KIAA1217: variants seen among roughly 807,000 people sequenced by gnomAD.
The protein encoded by KIAA1217 is KIAA1217, also known as sickle tail protein homolog.
Under a neutral mutation model 163.9 loss-of-function variants are expected in KIAA1217, and 88 were observed. The observed-to-expected ratio is 0.54, with a 90% CI of 0.45 to 0.64. The LOEUF (loss-of-function observed/expected upper bound fraction) is 0.64, where lower values mean the gene tolerates loss of function less well. KIAA1217 is among the 30% of genes least tolerant of loss of function. The probability of loss-of-function intolerance (pLI) is 0.00; values close to 1 mark genes in which losing one functional copy is unlikely to be tolerated. For missense variants in KIAA1217, 2,372 were observed against 2,475.0 expected (o/e 0.96, Z 0.88); for synonymous variants, 903 against 923.1 (o/e 0.98, Z 0.39).
chr10:24,240,636 G>A (rs1266552151), intron 2 of KIAA1217, among the ~76,000 whole-genome samples: 1 of 152,162 alleles, frequency 6.6e-6, no homozygotes, highest in Non-Finnish European at 1.5e-5. Flanking sequence ...TTAGGCCTCA[G>A]TCATCATGTC....
At chr10:23,904,521 C>G (rs1191187576) in intron 1 of KIAA1217, among the ~76,000 whole-genome samples, 1 of 152,110 alleles carries the variant, frequency 6.6e-6, no homozygotes, top group Non-Finnish European at 1.5e-5. Flanking sequence ...TTTAGAACAT[C>G]AGTTGGAGCC....
At chr10:24,017,683 C>T (rs1847546679) in intron 2 of KIAA1217, among the ~76,000 whole-genome samples, 1 of 151,980 alleles carries the variant, frequency 6.6e-6, no homozygotes, top group Non-Finnish European at 1.5e-5. Context: ...TGCACTGTTG[C>T]AAAAGTAGAA....
intron 2 of KIAA1217, among the ~76,000 whole-genome samples, chr10:24,240,586 C>T (rs1240989791): frequency 6.6e-6 from 1 of 152,204 alleles, no homozygotes; most frequent in Non-Finnish European, 1.5e-5. Context: ...GGCTTCACCA[C>T]TTAGTGGCTG....
intron 2 of KIAA1217, among the ~76,000 whole-genome samples, chr10:24,101,172 A>G (rs758363642): frequency 6.6e-6 from 1 of 152,260 alleles, no homozygotes; most frequent in Non-Finnish European, 1.5e-5. Flanking sequence ...AGGTCAAAAT[A>G]CAGCCATGGC....
In KIAA1217 at chr10:24,309,573, G is replaced by T. The variant is rs373540080; in HGVS notation, c.355-71296G>T. ...ACCCTTTTACATCCCAGAACCCACC[G>T]AACACAGTTTCTTCAACATTGGCAG... On this transcript the variant is annotated intron_variant, in intron 2 of 20. Transcript: ENST00000376454. 2.0e-5 allele frequency among the ~76,000 whole-genome samples: 3 copies of T among 152,216 alleles called. No homozygotes were observed. The East Asian group carries it at 5.8e-4, about 29-fold the overall frequency.
intron 1 of KIAA1217, among the ~76,000 whole-genome samples, chr10:23,868,180 C>T (rs1272728011): frequency 1.3e-5 from 2 of 151,992 alleles, no homozygotes; most frequent in Non-Finnish European, 2.9e-5. Flanking sequence ...ATGGTTCAGC[C>T]CTGTTTGTCT....
chr10:23,919,750 G>A (rs966494448), intron 1 of KIAA1217, among the ~76,000 whole-genome samples: 4 of 151,994 alleles, frequency 2.6e-5, no homozygotes, highest in African/African-American at 9.7e-5. Flanking sequence ...ATTAACACAA[G>A]GCTTTAGTTC....
intron 1 of KIAA1217, among the ~76,000 whole-genome samples, chr10:23,906,135 C>A (rs1196075982): frequency 6.6e-6 from 1 of 151,980 alleles, no homozygotes; most frequent in African/African-American, 2.4e-5. Context: ...GAGGGCAGAG[C>A]CTTATGGGCT....
chr10:24,077,550 A>G (rs2061407213), intron 2 of KIAA1217, among the ~76,000 whole-genome samples: 1 of 152,216 alleles, frequency 6.6e-6, no homozygotes, highest in Non-Finnish European at 1.5e-5. Flanking sequence ...TATGGTGTAT[A>G]CATACCACAT....
chr10:24,053,681 C>T (rs149429027), intron 2 of KIAA1217, among the ~76,000 whole-genome samples: 62 of 152,240 alleles, frequency 4.1e-4, no homozygotes, highest in African/African-American at 1.2e-3. Context: ...ATGTGTCTGG[C>T]ATTGTGCTAA....
intron 2 of KIAA1217, among the ~76,000 whole-genome samples, chr10:24,020,748 A>T (rs1847697073): frequency 6.6e-6 from 1 of 152,062 alleles, no homozygotes; most frequent in African/African-American, 2.4e-5. Flanking sequence ...TGAAAAATAT[A>T]AATATAAGAA....
chr10:24,061,190 A>G (rs1176107836), intron 2 of KIAA1217, among the ~76,000 whole-genome samples: 2 of 152,102 alleles, frequency 1.3e-5, no homozygotes, highest in Non-Finnish European at 2.9e-5. Flanking sequence ...TGTGGTTACC[A>G]TGAGGTTTAC....
At chr10:24,406,524 G>GC (rs1272785301) in intron 3 of KIAA1217, among the ~76,000 whole-genome samples, 1 of 152,030 alleles carries the variant, frequency 6.6e-6, no homozygotes, top group Non-Finnish European at 1.5e-5. Flanking sequence ...ACCTGAACAC[G>GC]CCCCTCTGGG....
intron 3 of KIAA1217, among the ~76,000 whole-genome samples, chr10:24,392,221 T>C (rs7070056): frequency 0.52 from 78,356 of 151,898 alleles, 22,787 homozygotes; most frequent in African/African-American, 0.8. Context: ...TTGTTTAAGA[T>C]GAGGTTTATA....
chr10:24,447,778 C>T (rs2061064024), intron 5 of KIAA1217, among the ~76,000 whole-genome samples: 1 of 152,126 alleles, frequency 6.6e-6, no homozygotes, highest in African/African-American at 2.4e-5. Flanking sequence ...TGGCCACTGA[C>T]CCAAATGAGA....
At chr10:24,201,118 A>G (rs887220315) in intron 2 of KIAA1217, among the ~76,000 whole-genome samples, 11 of 152,046 alleles carry the variant, frequency 7.2e-5, no homozygotes, top group African/African-American at 2.7e-4. Flanking sequence ...CAAAAATACA[A>G]AAATTAGCCA....
chr10:24,274,299 C>A (rs1011086020), intron 2 of KIAA1217, among the ~76,000 whole-genome samples: 3 of 152,124 alleles, frequency 2.0e-5, no homozygotes, highest in Admixed American at 6.5e-5. Flanking sequence ...GACCAGCCAC[C>A]TCAGCCTCCC....
intron 1 of KIAA1217, among the ~76,000 whole-genome samples, chr10:24,212,299 T>A (rs772745439): frequency 7.9e-5 from 12 of 152,008 alleles, no homozygotes; most frequent in Non-Finnish European, 1.8e-4. Flanking sequence ...GAAGAACAGA[T>A]GAGAGGGTGT....
intron 1 of KIAA1217, among the ~76,000 whole-genome samples, chr10:23,914,084 C>T (rs931186592): frequency 1.3e-5 from 2 of 152,148 alleles, no homozygotes. Context: ...GGAAACTCAA[C>T]CTAGTCTGGA....
Sources: allele counts gnomAD v4.1 joint callset (sites outside exome capture counted in the v4.1 genomes callset), GRCh38; gene constraint gnomAD v4.1.1; transcripts MANE v1.5; gene names NCBI Gene and HGNC (gene_info 2026-07-23, HGNC 2026-07-21).